Variants in HDAC4 observed in about 807,000 individuals in gnomAD.
HDAC4 encodes the protein histone deacetylase 4.
Under a neutral mutation model 135.1 loss-of-function variants are expected in HDAC4, and 16 were observed. The ratio of observed to expected loss-of-function variants is 0.12; its 90% CI spans 0.08 to 0.18. HDAC4 has a LOEUF of 0.18. Among genes scored for constraint, HDAC4 ranks in the 10% least tolerant of loss-of-function variants. The pLI, the probability that HDAC4 is intolerant of heterozygous loss-of-function variation, is 1.00. For missense variants in HDAC4, 1,143 were observed against 1,511.8 expected (o/e 0.76, Z 4.05); for synonymous variants, 685 against 653.4 (o/e 1.05, Z -0.74).
At chr2:239,135,496 T>C (rs11674551) in intron 9 of HDAC4, among the ~76,000 whole-genome samples, 19,770 of 152,196 alleles carry the variant, frequency 0.13, 1,641 homozygotes, top group Non-Finnish European at 0.18. Context: ...TGGCAAACAC[T>C]TTTGAAACAT....
intron 3 of HDAC4, among the ~76,000 whole-genome samples, chr2:239,194,610 G>C (rs1480222058): frequency 6.6e-6 from 1 of 152,238 alleles, no homozygotes; most frequent in Non-Finnish European, 1.5e-5. Flanking sequence ...ACTCCCAAAA[G>C]ACAGGACCCT....
At position 239,115,212 on chromosome 2, in the gene HDAC4, G is replaced by C. The variant is rs1407972924; in HGVS notation, c.1632C>G (p.Pro544=). The change falls in exon 13 of 27, where the codon CCC becomes CCG. Residue 544 remains proline, a synonymous_variant. Coordinates refer to ENST00000543185, the MANE Select transcript of HDAC4 (RefSeq NM_001378414.1). This position sits in a 1 kb window ranked among gnomAD's most constrained non-coding sequence, Gnocchi z 6.3. ...LREHQALLDE[P]YLDRLPGQKE... ...TCTGCCCCGGCAGCCGGTCCAGGTAGGGCTCGTCCAGCAGAGCCTGGTGCT... is the reference window on the plus strand; with the variant it reads ...TCTGCCCCGGCAGCCGGTCCAGGTACGGCTCGTCCAGCAGAGCCTGGTGCT... 2 of 1,611,916 alleles carry C rather than the reference G, an allele frequency of 1.2e-6. No homozygotes were observed. Among genetic ancestry groups the C allele is most frequent in the East Asian group, 4.5e-5 (2 of 44,882 alleles).
chr2:239,202,716 T>G (rs1198158116), intron 3 of HDAC4, among the ~76,000 whole-genome samples: 1 of 152,118 alleles, frequency 6.6e-6, no homozygotes, highest in Non-Finnish European at 1.5e-5. Flanking sequence ...AAGGCAAGGC[T>G]TCCTCGATGG....
At chr2:239,266,677 CCTCT>C (rs758932170) in intron 2 of HDAC4, among the ~76,000 whole-genome samples, 1 of 152,208 alleles carries the variant, frequency 6.6e-6, no homozygotes, top group East Asian at 1.9e-4. Context: ...ACCCTCTCTC[CCTCT>C]GTCTCCACAT....
intron 7 of HDAC4, among the ~76,000 whole-genome samples, chr2:239,150,830 A>G (rs555013581): frequency 1.3e-4 from 19 of 147,758 alleles, no homozygotes; most frequent in African/African-American, 4.1e-4. Flanking sequence ...AGTATATACC[A>G]CACCTTCACA....
intron 2 of HDAC4, among the ~76,000 whole-genome samples, chr2:239,292,743 G>T (rs2051603984): frequency 6.6e-6 from 1 of 152,088 alleles, no homozygotes; most frequent in Non-Finnish European, 1.5e-5. Flanking sequence ...GTTTGGAAGG[G>T]GGGTGATGGA....
chr2:239,295,524 C>T (rs1180153196), intron 2 of HDAC4, among the ~76,000 whole-genome samples: 3 of 152,042 alleles, frequency 2.0e-5, no homozygotes, highest in Non-Finnish European at 4.4e-5. Flanking sequence ...ACGCCTTTGT[C>T]CTTTCTAAAA....
chr2:239,252,418 A>G (rs1192769865), intron 2 of HDAC4, among the ~76,000 whole-genome samples: 2 of 152,208 alleles, frequency 1.3e-5, no homozygotes, highest in Admixed American at 6.5e-5. Context: ...CCATGGACAC[A>G]GCCCACGTCA....
intron 5 of HDAC4, among the ~76,000 whole-genome samples, chr2:239,175,182 C>CACTCT (rs1271503315): frequency 8.5e-5 from 13 of 152,240 alleles, no homozygotes; most frequent in African/African-American, 3.1e-4. Context: ...AAAGTCCCTT[C>CACTCT]ACTCTGGTGA....
intron 22 of HDAC4, among the ~76,000 whole-genome samples, chr2:239,070,209 C>T (rs1328354494): frequency 3.3e-5 from 5 of 152,212 alleles, no homozygotes; most frequent in African/African-American, 4.8e-5. Flanking sequence ...CCCACGTGTT[C>T]CTTACTCACC....
intron 4 of HDAC4, among the ~76,000 whole-genome samples, chr2:239,189,408 T>C (rs927006854): frequency 1.3e-5 from 2 of 152,218 alleles, no homozygotes; most frequent in African/African-American, 4.8e-5. Context: ...CTTTTTCTAA[T>C]TATAAAAGGT....
At chr2:239,193,301 T>G (rs2045130829) in intron 3 of HDAC4, among the ~76,000 whole-genome samples, 1 of 152,270 alleles carries the variant, frequency 6.6e-6, no homozygotes, top group South Asian at 2.1e-4. Flanking sequence ...AAACGTCTGG[T>G]GTTAATCTCT....
chr2:239,186,192 C>T (rs1038177375), intron 4 of HDAC4, among the ~76,000 whole-genome samples: 4 of 151,994 alleles, frequency 2.6e-5, no homozygotes, highest in South Asian at 2.1e-4. Flanking sequence ...AAGGGGACCA[C>T]GAGCATTAAA....
intron 1 of HDAC4, among the ~76,000 whole-genome samples, chr2:239,397,470 C>T (rs897785748): frequency 3.3e-5 from 5 of 152,178 alleles, no homozygotes; most frequent in Admixed American, 3.3e-4. Context: ...CAGGAAGTCA[C>T]GGTGGGGGCA....
intron 2 of HDAC4, among the ~76,000 whole-genome samples, chr2:239,253,004 T>C (rs1471614561): frequency 6.6e-6 from 1 of 152,214 alleles, no homozygotes; most frequent in Non-Finnish European, 1.5e-5. Context: ...CCTAGCAGGC[T>C]TCCTGTGTAG....
intron 2 of HDAC4, among the ~76,000 whole-genome samples, chr2:239,350,671 T>G (rs543002439): frequency 2.9e-4 from 44 of 152,244 alleles, no homozygotes; most frequent in South Asian, 6.2e-4. Context: ...GCCCAGCTAA[T>G]TTTTGTATTT....
chr2:239,384,007 C>T (rs1233407012), intron 1 of HDAC4, among the ~76,000 whole-genome samples: 9 of 152,208 alleles, frequency 5.9e-5, no homozygotes, highest in East Asian at 1.9e-4. Flanking sequence ...ACGTGAGTAA[C>T]GAGGCGCAGT....
At chr2:239,120,200 A>G (rs7588698) in intron 12 of HDAC4, among the ~76,000 whole-genome samples, 129,351 of 152,152 alleles carry the variant, frequency 0.85, 55,025 homozygotes, top group South Asian at 0.92. Context: ...GACAGATCAG[A>G]ACTGGAGCAG....
intron 17 of HDAC4, among the ~76,000 whole-genome samples, chr2:239,093,747 C>A (rs1009745227): frequency 2.0e-5 from 3 of 152,208 alleles, no homozygotes; most frequent in Non-Finnish European, 4.4e-5. Context: ...GCTGGGCTCA[C>A]CCCCTCAGCT....
Sources: allele counts gnomAD v4.1 joint callset (sites outside exome capture counted in the v4.1 genomes callset), GRCh38; gene constraint gnomAD v4.1.1; non-coding constraint Gnocchi (gnomAD v3.1); transcripts MANE v1.5; gene names NCBI Gene and HGNC (gene_info 2026-07-23, HGNC 2026-07-21).